The following BMAL1 variants were observed in gnomAD, a reference collection of about 807,000 sequenced individuals.
The protein encoded by BMAL1 is basic helix-loop-helix ARNT-like protein 1.
At chr11:13,308,538 C>A in the BMAL1 span, among the ~76,000 whole-genome samples, 4 of 152,092 alleles carry the variant, frequency 2.6e-5, no homozygotes, top group Non-Finnish European at 5.9e-5. Flanking sequence ...AAAGATAAGC[C>A]AGTGAGGTGG....
chr11:13,329,213 G>A, the BMAL1 span, among the ~76,000 whole-genome samples: 22 of 152,224 alleles, frequency 1.4e-4, no homozygotes, highest in East Asian at 3.1e-3. Context: ...CCTTTACGTC[G>A]GATGGCCAGC....
the BMAL1 span, chr11:13,385,732 T>C: frequency 1.2e-5 from 20 of 1,613,798 alleles, no homozygotes; most frequent in East Asian, 4.2e-4. Flanking sequence ...AGTGGCCTAC[T>C]ATCAGGCCAG....
the BMAL1 span, chr11:13,378,667 T>C: frequency 9.0e-6 from 5 of 553,854 alleles, no homozygotes; most frequent in Non-Finnish European, 1.5e-5. Context: ...AACAAAGAAT[T>C]ATCCAATCCA....
chr11:13,369,194 C>T, the BMAL1 span, among the ~76,000 whole-genome samples: 1 of 152,148 alleles, frequency 6.6e-6, no homozygotes, highest in Non-Finnish European at 1.5e-5. Context: ...CATATCCTAC[C>T]CATCCTTCAG....
the BMAL1 span, among the ~76,000 whole-genome samples, chr11:13,281,983 C>T: frequency 1.3e-5 from 2 of 152,220 alleles, no homozygotes; most frequent in Admixed American, 6.5e-5. Context: ...CTAGCCCTGA[C>T]CTGTCTCTCC....
the BMAL1 span, among the ~76,000 whole-genome samples, chr11:13,334,629 C>T: frequency 6.6e-6 from 1 of 151,852 alleles, no homozygotes; most frequent in East Asian, 1.9e-4. Context: ...AGAGAGGTAC[C>T]TAAGAATTGC....
chr11:13,306,636 G>A, the BMAL1 span, among the ~76,000 whole-genome samples: 5 of 152,314 alleles, frequency 3.3e-5, no homozygotes, highest in East Asian at 5.8e-4. Context: ...TGGCTGCTGG[G>A]TAAAAATCCA....
chr11:13,379,479 A>ATG, the BMAL1 span: 1 of 152,274 alleles, frequency 6.6e-6, no homozygotes, highest in Non-Finnish European at 1.5e-5. Context: ...GGAAGGAGAC[A>ATG]TGAGGGTAGT....
At chr11:13,370,443 A>C in the BMAL1 span, among the ~76,000 whole-genome samples, 2 of 152,214 alleles carry the variant, frequency 1.3e-5, no homozygotes, top group Non-Finnish European at 2.9e-5. Flanking sequence ...AGTCTCCAAC[A>C]GGATACGTGC....
chr11:13,367,058 T>A, the BMAL1 span, among the ~76,000 whole-genome samples: 1 of 152,238 alleles, frequency 6.6e-6, no homozygotes, highest in African/African-American at 2.4e-5. Flanking sequence ...TTTTCTTTTT[T>A]CTTTCAGAAT....
the BMAL1 span, among the ~76,000 whole-genome samples, chr11:13,296,862 C>T: frequency 7.2e-5 from 11 of 152,188 alleles, no homozygotes; most frequent in African/African-American, 2.2e-4. Context: ...GTGGGGAAGC[C>T]GTTCCTGTCC....
chr11:13,354,214 A>ACCCCCCCCC, the BMAL1 span: 1 of 872,262 alleles, frequency 1.1e-6, no homozygotes, highest in Admixed American at 3.2e-5. Context: ...CCCACCACCA[A>ACCCCCCCCC]ACCCCCAAGC....
chr11:13,308,807 G>A, the BMAL1 span, among the ~76,000 whole-genome samples: 123 of 152,308 alleles, frequency 8.1e-4, 1 homozygote, highest in African/African-American at 2.5e-3. Context: ...CCAGCAGAAG[G>A]AAACAGTGCT....
the BMAL1 span, among the ~76,000 whole-genome samples, chr11:13,352,367 C>T: frequency 3.9e-5 from 6 of 151,996 alleles, no homozygotes; most frequent in East Asian, 1.9e-4. Context: ...CAGGTGAACA[C>T]GGGGTAGGAG....
At chr11:13,314,619 A>T in the BMAL1 span, among the ~76,000 whole-genome samples, 2 of 152,274 alleles carry the variant, frequency 1.3e-5, no homozygotes, top group African/African-American at 2.4e-5. Flanking sequence ...CAAAATGAAA[A>T]ATAATCCATC....
the BMAL1 span, among the ~76,000 whole-genome samples, chr11:13,320,553 C>T: frequency 6.6e-6 from 1 of 152,158 alleles, no homozygotes; most frequent in Non-Finnish European, 1.5e-5. Context: ...AAAGTAGGGA[C>T]AGTAATTCTT....
chr11:13,356,749 G>T, the BMAL1 span: 1 of 1,614,126 alleles, frequency 6.2e-7, no homozygotes, highest in Non-Finnish European at 8.5e-7. Context: ...AGAAAGCATG[G>T]ACACAGACAA....
chr11:13,333,967 T>C, the BMAL1 span, among the ~76,000 whole-genome samples: 5 of 152,174 alleles, frequency 3.3e-5, no homozygotes, highest in Non-Finnish European at 5.9e-5. Flanking sequence ...ATTCTTTCTA[T>C]GGCATGGCAG....
the BMAL1 span, chr11:13,376,457 C>T: frequency 1.5e-6 from 1 of 659,516 alleles, no homozygotes; most frequent in East Asian, 2.7e-5. Flanking sequence ...GCAGTGGGGC[C>T]AAAGGCCAGG....
Sources: gnomAD v4.1 joint callset for allele counts (sites outside exome capture counted in the v4.1 genomes callset) on GRCh38, gnomAD v4.1.1 for gene constraint, MANE v1.5 for transcripts, NCBI Gene and HGNC (gene_info 2026-07-23, HGNC 2026-07-21) for gene names.